Variants in SZRD1 observed in about 807,000 individuals in gnomAD.
SZRD1 encodes SUZ RNA-binding domain-containing.
SZRD1 carries 7 observed loss-of-function variants against 17.6 expected under a neutral mutation model. The ratio of observed to expected loss-of-function variants is 0.40; its 90% confidence interval spans 0.23 to 0.75. The LOEUF is 0.75. SZRD1 is among the 30% of genes least tolerant of loss of function. The pLI, the probability that SZRD1 is intolerant of heterozygous loss-of-function variation, is 0.38. For missense variants in SZRD1, 178 were observed against 201.8 expected, an observed-to-expected ratio of 0.88 and a Z score of 0.71; for synonymous variants, 77 against 77.9, an observed-to-expected ratio of 0.99 and a Z score of 0.06.
At chr1:16,387,963 G>A (rs1233055003) in intron 1 of SZRD1, among the ~76,000 whole-genome samples, 1 of 152,142 alleles carries the variant, frequency 6.6e-6, no homozygotes, top group Non-Finnish European at 1.5e-5. Flanking sequence ...AAACATCCAG[G>A]TCGTTCTCTT....
At chr1:16,392,690 G>A (rs2085238648) in intron 2 of SZRD1, among the ~76,000 whole-genome samples, 1 of 152,184 alleles carries the variant, frequency 6.6e-6, no homozygotes, top group African/African-American at 2.4e-5. Flanking sequence ...CTCACTAGAA[G>A]GTGGCTTGGT....
chr1:16,381,554 CAAAA>C (rs1196669695), intron 1 of SZRD1, among the ~76,000 whole-genome samples: 2 of 53,854 alleles, frequency 3.7e-5, no homozygotes, highest in Admixed American at 2.1e-4. Context: ...GACTTCATCT[CAAAA>C]AAAAAAAAAA....
chr1:16,382,889 G>T (rs1486258033), intron 1 of SZRD1, among the ~76,000 whole-genome samples: 3 of 149,672 alleles, frequency 2.0e-5, no homozygotes, highest in African/African-American at 7.4e-5. Context: ...TTTTTGAGAC[G>T]GAGTCTCACT....
chr1:16,388,516 A>G (rs2085165015), intron 1 of SZRD1, among the ~76,000 whole-genome samples: 1 of 152,140 alleles, frequency 6.6e-6, no homozygotes, highest in Non-Finnish European at 1.5e-5. Flanking sequence ...TACTGTTTAC[A>G]AGAGATGCAA....
intron 1 of SZRD1, among the ~76,000 whole-genome samples, chr1:16,376,772 C>T (rs1026895739): frequency 6.7e-5 from 10 of 149,178 alleles, no homozygotes; most frequent in Admixed American, 3.4e-4. Context: ...TGTCACTGCA[C>T]TCCAGCCTGG....
chr1:16,388,401 C>T (rs2085163745), intron 1 of SZRD1, among the ~76,000 whole-genome samples: 1 of 146,970 alleles, frequency 6.8e-6, no homozygotes, highest in Admixed American at 6.7e-5. Context: ...CTACCATGCC[C>T]AGCCAAATAT....
In SZRD1 at chr1:16,367,246, G is replaced by T. The variant is rs1282889620; in HGVS notation, c.-12G>T. The T allele has an allele frequency of 1.7e-5, 26 of 1,548,272 alleles. No homozygotes were observed. The highest frequency in any genetic ancestry group is 2.2e-5 in the Non-Finnish European group (25 of 1,146,288). On this transcript the variant is annotated 5_prime_UTR_variant, in exon 1 of 4. Coordinates refer to ENST00000401088, the MANE Select transcript of SZRD1 (RefSeq NM_001114600.3). ...GGGAGGGGGTGGGGGAGGAGGGAAAGCGGCGAGTAAGATGGAAGATGAGGA... is the reference window on the plus strand; with the variant it reads ...GGGAGGGGGTGGGGGAGGAGGGAAATCGGCGAGTAAGATGGAAGATGAGGA...
chr1:16,393,446 G>T lies in SZRD1; in HGVS notation c.320G>T (p.Ser107Ile). 6.2e-7 allele frequency: 1 copy of T among 1,613,808 alleles called. No individual in the cohort carries two copies. Among genetic ancestry groups the T allele is most frequent in the Non-Finnish European group, 8.5e-7 (1 of 1,179,906 alleles). Residue 107 changes from serine (S) to isoleucine (I), a missense_variant, in exon 3 of 4, where the codon AGC becomes ATC. Physicochemically the swap from Ser to Ile is moderately radical, Grantham distance 142 (BLOSUM62 -2). Around this residue, in one of 3 missense-constraint regions of SZRD1, gnomAD observed 57 missense variants for 71.9 expected, o/e 0.79. Coordinates refer to ENST00000401088, the MANE Select transcript of SZRD1 (RefSeq NM_001114600.3). This position sits in a 1 kb window ranked among gnomAD's most constrained non-coding sequence, Gnocchi z 5.6. ...CGGAAGCGGATCCTGGGCAGCGCCA[G>T]CCCCGAGGAGGAGCAGGAGAAACCC... ...EARKRILGSA[S>I]PEEEQEKPIL...
intron 1 of SZRD1, among the ~76,000 whole-genome samples, chr1:16,382,917 G>A (rs1407573115): frequency 6.6e-6 from 1 of 151,336 alleles, no homozygotes; most frequent in Non-Finnish European, 1.5e-5. Context: ...CCCTGCTAGA[G>A]TACAATGGTG....
At chr1:16,382,040 TGTG>T (rs2083113482) in intron 1 of SZRD1, among the ~76,000 whole-genome samples, 1 of 152,110 alleles carries the variant, frequency 6.6e-6, no homozygotes, top group African/African-American at 2.4e-5. Flanking sequence ...GTGGGGCCAA[TGTG>T]GTGGCCATGC....
chr1:16,370,320 G>C (rs547071882), intron 1 of SZRD1, among the ~76,000 whole-genome samples: 12 of 151,338 alleles, frequency 7.9e-5, no homozygotes, highest in African/African-American at 2.9e-4. Flanking sequence ...CTACCTCCCA[G>C]GTTCAAGCGA....
rs2085222586 is a variant in SZRD1 at position 16,391,545 on chromosome 1, G to C, written c.101+121G>C. The C allele has an allele frequency of 1.2e-6, 1 of 827,306 alleles. No individual in the cohort carries two copies. The highest frequency in any genetic ancestry group is 2.7e-5 in the Admixed American group (1 of 36,752). 51.2% of individuals were successfully genotyped at this position (827,306 alleles called of 1,614,324 possible). On this transcript the variant is annotated intron_variant, in intron 2 of 3. Transcript: ENST00000401088. The surrounding 1 kb of genome is among the most constrained non-coding windows in gnomAD (Gnocchi z 4.3). ...TCCTAGCAGGTCAGGCTCTGGGGCA[G>C]CAAACCCTTCCCTCCAAATTGGAGA...
intron 1 of SZRD1, among the ~76,000 whole-genome samples, chr1:16,382,226 C>A (rs146593197): frequency 4.0e-5 from 6 of 151,494 alleles, no homozygotes; most frequent in African/African-American, 1.2e-4. Context: ...TCTTGTCTGT[C>A]GCCCAGGCTG....
chr1:16,375,960 C>T (rs905301819), intron 1 of SZRD1, among the ~76,000 whole-genome samples: 2 of 152,198 alleles, frequency 1.3e-5, no homozygotes, highest in Non-Finnish European at 2.9e-5. Flanking sequence ...TCTAGTTGTT[C>T]ATCTCACTGG....
intron 1 of SZRD1, chr1:16,387,498 C>A (rs1165539910): frequency 2.2e-6 from 1 of 456,564 alleles, no homozygotes; most frequent in East Asian, 6.9e-5. Flanking sequence ...TTCTTCTGCG[C>A]TAGATCTGGC....
chr1:16,367,631 G>A, intron 1 of SZRD1: 1 of 417,602 alleles, frequency 2.4e-6, no homozygotes, highest in Non-Finnish European at 4.3e-6. Context: ...GACTCTTTCC[G>A]ATGAGCCTTG....
At position 16,393,538 on chromosome 1, in the gene SZRD1, A is replaced by AG; in HGVS notation, c.356+58dup. 2 of 1,538,084 alleles carry AG rather than the reference A, an allele frequency of 1.3e-6. No homozygotes were observed. The highest frequency in any genetic ancestry group is 1.8e-6 in the Non-Finnish European group (2 of 1,140,696). On this transcript the variant is annotated intron_variant, in intron 3 of 3. Coordinates refer to ENST00000401088, the MANE Select transcript of SZRD1 (RefSeq NM_001114600.3). This position sits in a 1 kb window ranked among gnomAD's most constrained non-coding sequence, Gnocchi z 5.6. ...TGGCTGTCCCAGTCCACCCGGGAAG[A>AG]GGAGAGCATCCTGGCTGCGTGTAGA...
intron 1 of SZRD1, among the ~76,000 whole-genome samples, chr1:16,375,623 A>G (rs2082989207): frequency 6.6e-6 from 1 of 152,110 alleles, no homozygotes; most frequent in Non-Finnish European, 1.5e-5. Flanking sequence ...CGAGACAGAG[A>G]ATCTTGTCCT....
At chr1:16,377,651 G>A (rs1323481548) in intron 1 of SZRD1, among the ~76,000 whole-genome samples, 1 of 151,704 alleles carries the variant, frequency 6.6e-6, no homozygotes, top group African/African-American at 2.4e-5. Context: ...TAGGTCAGAA[G>A]ACTGGGATTT....
Sources: gnomAD v4.1 joint callset for allele counts (sites outside exome capture counted in the v4.1 genomes callset) on GRCh38, gnomAD v4.1.1 for gene constraint, gnomAD v4.1.1 regional missense constraint, Gnocchi (gnomAD v3.1) non-coding constraint, MANE v1.5 for transcripts, NCBI Gene and HGNC (gene_info 2026-07-23, HGNC 2026-07-21) for gene names.